The following RHPN2 variants were observed in gnomAD, a reference collection of about 807,000 sequenced individuals.
RHPN2 encodes the protein rhophilin Rho GTPase binding protein 2.
RHPN2 carries 40 observed loss-of-function variants against 79.0 expected under a neutral mutation model. The ratio of observed to expected loss-of-function variants is 0.51; its 90% CI spans 0.39 to 0.66. The LOEUF is 0.66. Ranked by LOEUF, RHPN2 falls within the 30% of genes least tolerant of loss-of-function variation. The pLI, the probability that RHPN2 is intolerant of heterozygous loss-of-function variation, is 0.00. For missense variants in RHPN2, 686 were observed against 883.5 expected (o/e 0.78, Z 2.83); for synonymous variants, 285 against 363.5 (o/e 0.78, Z 2.46).
chr19:33,014,273 G>A (rs1471515890), intron 4 of RHPN2, among the ~76,000 whole-genome samples: 1 of 152,026 alleles, frequency 6.6e-6, no homozygotes, highest in Non-Finnish European at 1.5e-5. Context: ...TACAAAAATG[G>A]ATTTGTACTA....
intron 1 of RHPN2, among the ~76,000 whole-genome samples, chr19:33,054,819 G>A (rs1235564166): frequency 1.3e-5 from 2 of 152,208 alleles, no homozygotes; most frequent in African/African-American, 4.8e-5. Flanking sequence ...AGGTGGTGTC[G>A]TGGCAACCAT....
At chr19:33,053,519 G>A (rs543221013) in intron 1 of RHPN2, among the ~76,000 whole-genome samples, 1 of 151,122 alleles carries the variant, frequency 6.6e-6, no homozygotes, top group East Asian at 2.0e-4. Context: ...TGCCTCCTAG[G>A]TTCAAGCGAT....
chr19:33,023,784 C>CAA (rs61273503), intron 3 of RHPN2, among the ~76,000 whole-genome samples: 3,156 of 110,446 alleles, frequency 0.029, 193 homozygotes, highest in African/African-American at 0.09. Flanking sequence ...GACTCCATCT[C>CAA]AAAAAAAAAA....
chr19:33,046,563 G>A (rs986029056), intron 1 of RHPN2, among the ~76,000 whole-genome samples: 3 of 152,060 alleles, frequency 2.0e-5, no homozygotes, highest in Admixed American at 6.6e-5. Context: ...CACTGAGCCC[G>A]GTCTAGATCA....
Position 32,980,098 on chromosome 19 carries a change from G to A in RHPN2, c.1959C>T (p.Ala653=), listed in dbSNP as rs1309790739. 9.3e-6 allele frequency: 15 copies of A among 1,613,788 alleles called. No individual in the cohort carries two copies. In the East Asian group the frequency reaches 2.7e-4, roughly 29 times the overall value. ...WGTNKNRQKS[A]STLCLPSVGA... The stretch of plus-strand genomic sequence containing the variant: ...CGACCGATGGGAGGCACAAGGTGCT[G>A]GCTGACTTCTGTCTGTTCTTGTTGG... Residue 653 remains alanine (A), a synonymous_variant, in exon 15 of 15, where the codon GCC becomes GCT. Coordinates refer to ENST00000254260, the MANE Select transcript of RHPN2 (RefSeq NM_033103.5).
At chr19:32,992,355 T>A (rs1356520167) in intron 12 of RHPN2, among the ~76,000 whole-genome samples, 4 of 152,148 alleles carry the variant, frequency 2.6e-5, no homozygotes, top group African/African-American at 9.7e-5. Flanking sequence ...CATGCCTGGC[T>A]AATTTTTGTA....
At chr19:33,012,981 T>C (rs11084691) in intron 4 of RHPN2, among the ~76,000 whole-genome samples, 37,113 of 151,622 alleles carry the variant, frequency 0.24, 4,788 homozygotes, top group Non-Finnish European at 0.27. Flanking sequence ...GTTCACGCAA[T>C]TCTCCTTCCT....
intron 7 of RHPN2, among the ~76,000 whole-genome samples, chr19:33,005,392 G>A (rs1446487550): frequency 2.5e-5 from 3 of 117,838 alleles, no homozygotes; most frequent in African/African-American, 1.0e-4. Context: ...CAGCCTGGGC[G>A]ACAGAGTGAG....
chr19:33,029,743 A>G (rs1971996387), intron 2 of RHPN2, among the ~76,000 whole-genome samples: 1 of 152,164 alleles, frequency 6.6e-6, no homozygotes, highest in Admixed American at 6.6e-5. Flanking sequence ...AGGACTTGCA[A>G]AAGCCATGGC....
intron 3 of RHPN2, among the ~76,000 whole-genome samples, chr19:33,022,786 C>T (rs1460065657): frequency 1.3e-5 from 2 of 152,194 alleles, no homozygotes; most frequent in East Asian, 3.9e-4. Context: ...CTGGGCAGGG[C>T]GAGGGGACAA....
In RHPN2 at chr19:33,040,231, CTTTTTTTT is replaced by C. The variant is rs1007486362; in HGVS notation, c.185+4010_185+4017del. 1.8e-4 allele frequency among the ~76,000 whole-genome samples: 18 copies of C among 97,778 alleles called. No individual in the cohort carries two copies. The East Asian group carries it at 2.8e-3, about 15-fold the overall frequency. The allele number at this position is 97,778 out of a possible 152,430, so 64.1% of individuals were successfully genotyped here. ...AACTAGTTAAAACTAGGCAACCTGC[CTTTTTTTT>C]TTTTTTTTTTTTTTTGAGACGGAGT... On this transcript the variant is annotated intron_variant, in intron 2 of 14. Transcript: ENST00000254260.
intron 7 of RHPN2, 33 bp from the exon 8 acceptor site, chr19:33,003,033 G>C (rs1323842332): frequency 5.0e-6 from 8 of 1,598,372 alleles, no homozygotes; most frequent in South Asian, 1.1e-5. Context: ...CCATTAGTTC[G>C]GGTTCATATT....
At chr19:33,013,195 AC>A (rs749725654) in intron 4 of RHPN2, among the ~76,000 whole-genome samples, 41,192 of 144,868 alleles carry the variant, frequency 0.28, 6,467 homozygotes, top group African/African-American at 0.42. Context: ...TTTTAAAAAA[AC>A]AAAAACAAAA....
In RHPN2 at chr19:32,979,967, C is replaced by T. The variant is rs548095753; in HGVS notation, c.*29G>A. 18 of 1,613,410 alleles carry T rather than the reference C, an allele frequency of 1.1e-5. No homozygotes were observed. The highest frequency in any genetic ancestry group is 6.7e-5 in the Admixed American group (4 of 59,982). ...AGGCCGAGTCAGCACCGGAAATGTT[C>T]AGGGCCTGAACATGTTTGTTTCCTC... is the stretch of plus-strand genomic sequence containing the variant. On this transcript the variant is annotated 3_prime_UTR_variant, in exon 15 of 15. Coordinates refer to ENST00000254260, the MANE Select transcript of RHPN2 (RefSeq NM_033103.5).
intron 1 of RHPN2, among the ~76,000 whole-genome samples, chr19:33,062,026 C>T (rs1972284318): frequency 6.6e-6 from 1 of 152,100 alleles, no homozygotes; most frequent in African/African-American, 2.4e-5. Context: ...TCAGCATCAA[C>T]ACCTTTTATT....
Position 33,027,485 on chromosome 19 carries a change from A to G in RHPN2, c.186-853T>C, listed in dbSNP as rs144827049. Among the ~76,000 whole-genome samples, 1,315 of 152,028 alleles carry G rather than the reference A, an allele frequency of 8.6e-3. 19 individuals are homozygous for G. The highest frequency in any genetic ancestry group is 0.03 in the African/African-American group (1,230 of 41,496). On this transcript the variant is annotated intron_variant, in intron 2 of 14. Transcript: ENST00000254260. ...AATCCAGCCTGGGTGACAGAGCAAG[A>G]CACTGTCTCTAAAAGCTAAAATAAG...
At chr19:33,024,470 AGG>A (rs1971950701) in intron 3 of RHPN2, among the ~76,000 whole-genome samples, 1 of 152,142 alleles carries the variant, frequency 6.6e-6, no homozygotes, top group Non-Finnish European at 1.5e-5. Context: ...AAAACCGTAC[AGG>A]AGCCCACAGG....
chr19:33,046,410 C>T (rs185799832), intron 1 of RHPN2, among the ~76,000 whole-genome samples: 230 of 152,112 alleles, frequency 1.5e-3, no homozygotes, highest in Admixed American at 4.1e-3. Flanking sequence ...GGATTACAGG[C>T]GTGCACCACC....
intron 14 of RHPN2, among the ~76,000 whole-genome samples, chr19:32,987,083 G>A (rs1240013044): frequency 2.0e-5 from 3 of 151,602 alleles, no homozygotes; most frequent in Non-Finnish European, 4.4e-5. Context: ...TCGCCATGTT[G>A]CCCAGGCTGG....
Sources: gnomAD v4.1 joint callset for allele counts (sites outside exome capture counted in the v4.1 genomes callset) on GRCh38, gnomAD v4.1.1 for gene constraint, MANE v1.5 for transcripts, NCBI Gene and HGNC (gene_info 2026-07-23, HGNC 2026-07-21) for gene names.